Variants in SOX6 observed in about 807,000 individuals in gnomAD.
SOX6 encodes SRY-box transcription factor 6.
A neutral mutation model predicts 97.8 loss-of-function variants in SOX6; 11 were observed. That is an observed-to-expected ratio of 0.11 (90% CI 0.07 to 0.19). The LOEUF is 0.19. Among genes scored for constraint, SOX6 ranks in the 10% least tolerant of loss-of-function variants. SOX6 has a pLI of 1.00. For missense variants in SOX6, 810 were observed against 1,039.5 expected (o/e 0.78, Z 3.04); for synonymous variants, 360 against 371.4 (o/e 0.97, Z 0.35).
intron 1 of SOX6, among the ~76,000 whole-genome samples, chr11:16,459,059 C>A (rs1307043877): frequency 1.3e-5 from 2 of 151,888 alleles, no homozygotes; most frequent in Non-Finnish European, 2.9e-5. Context: ...AAGAAACTAA[C>A]CAAGGTTAGG....
intron 13 of SOX6, among the ~76,000 whole-genome samples, chr11:15,994,341 G>T (rs1854156856): frequency 6.6e-6 from 1 of 150,506 alleles, no homozygotes; most frequent in African/African-American, 2.5e-5. Flanking sequence ...TTTGGGCTTG[G>T]AAATCAGTGT....
rs149983908 is a variant in SOX6, at chr11:16,139,951, T to TTATATATA, written c.778-28036_778-28029dup. 9.6e-3 allele frequency among the ~76,000 whole-genome samples: 1,192 copies of TTATATATA among 124,676 alleles called. 19 individuals are homozygous for TTATATATA. The highest frequency in any genetic ancestry group is 0.038 in the African/African-American group (1,138 of 29,658). The allele number at this position is 124,676 out of a possible 152,430, so 81.8% of individuals were successfully genotyped here. ...AAAAGTAAAAAACCTGGCTCATATA[T>TTATATATA]TATATATATATATATATATATACAT... On this transcript the variant is annotated intron_variant, in intron 6 of 15. Transcript: ENST00000683767.
At chr11:16,108,407 T>C (rs1849150445) in intron 7 of SOX6, among the ~76,000 whole-genome samples, 1 of 152,194 alleles carries the variant, frequency 6.6e-6, no homozygotes, top group Non-Finnish European at 1.5e-5. Context: ...TTTCTGTTTT[T>C]CAGGCAAGCT....
intron 3 of SOX6, among the ~76,000 whole-genome samples, chr11:16,648,657 A>T (rs1849049199): frequency 6.6e-6 from 1 of 152,148 alleles, no homozygotes; most frequent in Non-Finnish European, 1.5e-5. Context: ...AACATCCTGA[A>T]ATAGTCTACC....
rs1853961358 is a variant in SOX6, at chr11:15,989,138, T to G, written c.1825A>C (p.Arg609=). 1 of 1,614,082 alleles carries G rather than the reference T, an allele frequency of 6.2e-7. No homozygotes were observed. The highest frequency in any genetic ancestry group is 8.5e-7 in the Non-Finnish European group (1 of 1,180,018). ...CTGCTGGCACGGCCGCGGGCGTCCC[T>G]GTAGACTCGTGCTTCAGCCACAGTG... is the stretch of plus-strand genomic sequence containing the variant. ...GATVAEARVY[R]DARGRASSEP... The change falls in exon 14 of 16, where the codon AGG becomes CGG. Residue 609 remains arginine (R), a synonymous_variant. Coordinates refer to ENST00000683767, the MANE Select transcript of SOX6 (RefSeq NM_001367873.1).
chr11:16,064,069 C>G (rs1411044887), intron 9 of SOX6, among the ~76,000 whole-genome samples: 1 of 151,582 alleles, frequency 6.6e-6, no homozygotes, highest in Non-Finnish European at 1.5e-5. Context: ...TTCAAATGGA[C>G]AAGAAAGAGG....
At chr11:16,328,107 A>G (rs1856157137) in intron 2 of SOX6, among the ~76,000 whole-genome samples, 1 of 152,116 alleles carries the variant, frequency 6.6e-6, no homozygotes, top group Non-Finnish European at 1.5e-5. Context: ...GAGATATCCA[A>G]TCATAGATTT....
intron 4 of SOX6, among the ~76,000 whole-genome samples, chr11:16,579,309 G>A (rs1209597708): frequency 6.6e-6 from 1 of 151,296 alleles, no homozygotes; most frequent in African/African-American, 2.4e-5. Context: ...ACAGTGAAAT[G>A]CACTAATCCT....
At chr11:16,264,001 G>A (rs991612) in intron 3 of SOX6, among the ~76,000 whole-genome samples, 25,399 of 151,794 alleles carry the variant, frequency 0.17, 2,611 homozygotes, top group Admixed American at 0.29. Flanking sequence ...GCTCAGTATG[G>A]TTATATCATC....
At chr11:16,702,443 T>A (rs1322546101) in intron 3 of SOX6, among the ~76,000 whole-genome samples, 2 of 152,138 alleles carry the variant, frequency 1.3e-5, no homozygotes, top group African/African-American at 4.8e-5. Flanking sequence ...CCTTAAACCT[T>A]TCTATGAAAT....
At chr11:16,729,426 A>G (rs529761876) in intron 2 of SOX6, among the ~76,000 whole-genome samples, 1 of 152,326 alleles carries the variant, frequency 6.6e-6, no homozygotes, top group East Asian at 1.9e-4. Context: ...GCCAATATTC[A>G]ACAATCTTAA....
chr11:16,075,725 A>G (rs1310999047), intron 9 of SOX6, among the ~76,000 whole-genome samples: 1 of 152,158 alleles, frequency 6.6e-6, no homozygotes, highest in Non-Finnish European at 1.5e-5. Context: ...TGATACATGC[A>G]GCTAACCATC....
intron 10 of SOX6, among the ~76,000 whole-genome samples, chr11:16,050,670 T>C (rs1435313027): frequency 4.6e-5 from 7 of 152,364 alleles, no homozygotes; most frequent in African/African-American, 7.2e-5. Flanking sequence ...TTAAGATACA[T>C]GTCCTTCTTC....
At chr11:16,271,855 A>G (rs952186243) in intron 3 of SOX6, among the ~76,000 whole-genome samples, 1 of 150,928 alleles carries the variant, frequency 6.6e-6, no homozygotes, top group African/African-American at 2.4e-5. Flanking sequence ...TCTGCTTTTT[A>G]TCTTCATTAT....
At chr11:16,426,641 G>A (rs959850332) in intron 1 of SOX6, among the ~76,000 whole-genome samples, 10 of 151,830 alleles carry the variant, frequency 6.6e-5, no homozygotes, top group African/African-American at 9.7e-5. Context: ...CTGGCCGGGC[G>A]CGGTGGCTCA....
At chr11:16,322,749 C>G (rs1273561755) in intron 2 of SOX6, among the ~76,000 whole-genome samples, 1 of 152,172 alleles carries the variant, frequency 6.6e-6, no homozygotes, top group Non-Finnish European at 1.5e-5. Context: ...AACAACCCAA[C>G]TGATTCCGAT....
intron 4 of SOX6, among the ~76,000 whole-genome samples, chr11:16,563,763 C>G (rs1316539646): frequency 4.6e-5 from 7 of 152,088 alleles, no homozygotes; most frequent in African/African-American, 1.7e-4. Flanking sequence ...TACAGTTGAG[C>G]AAATCCCAAG....
intron 1 of SOX6, among the ~76,000 whole-genome samples, chr11:16,384,922 C>T (rs1478122261): frequency 6.6e-6 from 1 of 152,052 alleles, no homozygotes; most frequent in African/African-American, 2.4e-5. Flanking sequence ...AGCTATACAG[C>T]AGATCCTAGA....
chr11:16,196,813 G>GTCT (rs71861748), intron 4 of SOX6, among the ~76,000 whole-genome samples: 5 of 116,974 alleles, frequency 4.3e-5, no homozygotes, highest in Non-Finnish European at 8.5e-5. Flanking sequence ...CTGGTCCTCT[G>GTCT]TCTTCTTCTT....
Sources: allele counts gnomAD v4.1 joint callset (sites outside exome capture counted in the v4.1 genomes callset), GRCh38; gene constraint gnomAD v4.1.1; transcripts MANE v1.5; gene names NCBI Gene and HGNC (gene_info 2026-07-23, HGNC 2026-07-21).